The following STAT1 variants were observed in gnomAD, a reference collection of about 807,000 sequenced individuals.
The protein encoded by STAT1 is signal transducer and activator of transcription 1-alpha/beta.
STAT1 carries 24 observed loss-of-function variants against 111.7 expected under a neutral mutation model. The observed-to-expected ratio is 0.21, with a 90% confidence interval of 0.16 to 0.30. STAT1 has a LOEUF of 0.30. STAT1 is among the 10% of genes least tolerant of loss of function. The probability of loss-of-function intolerance (pLI) is 1.00; values close to 1 mark genes in which losing one functional copy is unlikely to be tolerated. For missense variants in STAT1, 351 were observed against 911.9 expected, an observed-to-expected ratio of 0.38 and a Z score of 7.92; for synonymous variants, 332 against 326.5, an observed-to-expected ratio of 1.02 and a Z score of -0.18.
In STAT1 at chr2:190,998,415, A is replaced by G; in HGVS notation, c.542-107T>C. The G allele has an allele frequency of 1.1e-6, 1 of 939,216 alleles. No homozygotes were observed. Among genetic ancestry groups the G allele is most frequent in the Non-Finnish European group, 1.7e-6 (1 of 585,136 alleles). The allele number at this position is 939,216 out of a possible 1,614,324, so 58.2% of individuals were successfully genotyped here. ...TATGACACAAATGCTGCCTAGTGAC[A>G]GGTCAAAGTTTGGCTTTCTTCGATC... On this transcript the variant is annotated intron_variant, in intron 7 of 24. Transcript: ENST00000361099. This position sits in a 1 kb window ranked among gnomAD's most constrained non-coding sequence, Gnocchi z 4.1.
chr2:190,983,834 G>T lies in STAT1; in HGVS notation c.1348-94C>A. On this transcript the variant is annotated intron_variant, in intron 16 of 24. Coordinates refer to ENST00000361099, the MANE Select transcript of STAT1 (RefSeq NM_007315.4). This position sits in a 1 kb window ranked among gnomAD's most constrained non-coding sequence, Gnocchi z 5.7. ...CTCAACTAAAAGCAGGGGATTATTT[G>T]TAAATTTGTACATATTTAATACTTG... The T allele has an allele frequency of 9.7e-7, 1 of 1,033,884 alleles. No homozygotes were observed. The highest frequency in any genetic ancestry group is 1.5e-6 in the Non-Finnish European group (1 of 663,296). 64.0% of individuals were successfully genotyped at this position (1,033,884 alleles called of 1,614,324 possible). A position where few individuals can be genotyped will look rare whatever the true frequency, so the allele number is the denominator to read the frequency against.
rs1189039002 is a variant in STAT1, at chr2:191,008,953, C to A, written c.273+10G>T. 1 of 1,613,024 alleles carries A rather than the reference C, an allele frequency of 6.2e-7. No homozygotes were observed. The highest frequency in any genetic ancestry group is 8.5e-7 in the Non-Finnish European group (1 of 1,179,572). ...AACATTTCAACTAAAATACAAAAACCAGGTCATACCTGAAGATTACGCTTG... is the reference window on the plus strand; with the variant it reads ...AACATTTCAACTAAAATACAAAAACAAGGTCATACCTGAAGATTACGCTTG... On this transcript the variant is annotated intron_variant, in intron 4 of 24. Coordinates refer to ENST00000361099, the MANE Select transcript of STAT1 (RefSeq NM_007315.4).
rs1559015688 is a variant in STAT1 at position 190,993,050 on chromosome 2, A to G, written c.945-1730T>C. ...GGTGATCCACCCACCTCGGCCTCCCAAAGTGCTGGGATTACAGGCATGAGC... is the reference window on the plus strand; with the variant it reads ...GGTGATCCACCCACCTCGGCCTCCCGAAGTGCTGGGATTACAGGCATGAGC... On this transcript the variant is annotated intron_variant, in intron 10 of 24. Transcript: ENST00000361099. The surrounding 1 kb of genome is among the most constrained non-coding windows in gnomAD (Gnocchi z 4.1). 6.3e-6 allele frequency: 2 copies of G among 317,366 alleles called. No homozygotes were observed. The highest frequency in any genetic ancestry group is 5.9e-5 in the South Asian group (2 of 34,112). The allele number at this position is 317,366 out of a possible 1,614,324, so 19.7% of individuals were successfully genotyped here. A position where few individuals can be genotyped will look rare whatever the true frequency, so the allele number is the denominator to read the frequency against.
chr2:190,972,078 GAGAT>G (rs1044785381), intron 24 of STAT1, among the ~76,000 whole-genome samples: 9 of 152,100 alleles, frequency 5.9e-5, no homozygotes, highest in East Asian at 3.9e-4. Context: ...GAGGGAGGGG[GAGAT>G]AGATAGATAG....
chr2:190,974,316 G>T lies in STAT1; in HGVS notation c.2238+514C>A, dbSNP rs1691730003. On this transcript the variant is annotated intron_variant, in intron 24 of 24. Transcript: ENST00000361099. The surrounding 1 kb of genome is among the most constrained non-coding windows in gnomAD (Gnocchi z 4.8). ...TCCTTGAACCTTTTACTCTTGGCAA[G>T]CCCTTCACAGCCCCAGGAGCTACTT... is the stretch of plus-strand genomic sequence containing the variant. Among the ~76,000 whole-genome samples the T allele has an allele frequency of 6.6e-6, 1 of 152,144 alleles. No homozygotes were observed. The highest frequency in any genetic ancestry group is 6.5e-5 in the Admixed American group (1 of 15,276).
rs2125096240 is a variant in STAT1 at position 191,007,316 on chromosome 2, G to A, written c.372+247C>T. 6.6e-6 allele frequency among the ~76,000 whole-genome samples: 1 copy of A among 152,198 alleles called. No individual in the cohort carries two copies. The highest frequency in any genetic ancestry group is 1.5e-5 in the Non-Finnish European group (1 of 68,016). Reference sequence around the variant, plus strand: ...ATGAATTCAGCATGTTATCTTCTCAGCACTTTATGCTACCCAGAAGTATCT... The same window carrying A: ...ATGAATTCAGCATGTTATCTTCTCAACACTTTATGCTACCCAGAAGTATCT... On this transcript the variant is annotated intron_variant, in intron 5 of 24. Coordinates refer to ENST00000361099, the MANE Select transcript of STAT1 (RefSeq NM_007315.4). This position sits in a 1 kb window ranked among gnomAD's most constrained non-coding sequence, Gnocchi z 4.2.
rs1269464145 is a variant in STAT1 at position 190,998,831 on chromosome 2, T to C, written c.542-523A>G. Among the ~76,000 whole-genome samples the C allele has an allele frequency of 6.6e-6, 1 of 151,618 alleles. No individual in the cohort carries two copies. Among genetic ancestry groups the C allele is most frequent in the East Asian group, 1.9e-4 (1 of 5,178 alleles). The stretch of plus-strand genomic sequence containing the variant: ...TTATTATTATAAAAATAAATGTAAA[T>C]AATAAAATGTTTTATCTGAACAGAA... On this transcript the variant is annotated intron_variant, in intron 7 of 24. Transcript: ENST00000361099. This position sits in a 1 kb window ranked among gnomAD's most constrained non-coding sequence, Gnocchi z 4.1.
chr2:191,007,013 T>G lies in STAT1; in HGVS notation c.372+550A>C, dbSNP rs563114032. ...AGCATTACCATTTTTCAAGGGGTTCTAGTAGCTGCTGTAGAGCCATCCTTG... is the reference window on the plus strand; with the variant it reads ...AGCATTACCATTTTTCAAGGGGTTCGAGTAGCTGCTGTAGAGCCATCCTTG... On this transcript the variant is annotated intron_variant, in intron 5 of 24. Transcript: ENST00000361099. This position sits in a 1 kb window ranked among gnomAD's most constrained non-coding sequence, Gnocchi z 4.2. Among the ~76,000 whole-genome samples the G allele has an allele frequency of 6.6e-6, 1 of 152,194 alleles. No homozygotes were observed. The highest frequency in any genetic ancestry group is 2.4e-5 in the African/African-American group (1 of 41,440).
chr2:191,006,525 A>G lies in STAT1; in HGVS notation c.372+1038T>C, dbSNP rs1694715430. ...GAGAATGGCATCCTCCACCACACCTAAACTCCCTCCCTCTCCACTGTCACA... is the reference window on the plus strand; with the variant it reads ...GAGAATGGCATCCTCCACCACACCTGAACTCCCTCCCTCTCCACTGTCACA... On this transcript the variant is annotated intron_variant, in intron 5 of 24. Transcript: ENST00000361099. This position sits in a 1 kb window ranked among gnomAD's most constrained non-coding sequence, Gnocchi z 4.6. 6.6e-6 allele frequency among the ~76,000 whole-genome samples: 1 copy of G among 152,178 alleles called. No homozygotes were observed. Among genetic ancestry groups the G allele is most frequent in the African/African-American group, 2.4e-5 (1 of 41,436 alleles).
chr2:190,980,100 T>C lies in STAT1; in HGVS notation c.1633-234A>G, dbSNP rs558785364. Among the ~76,000 whole-genome samples the C allele has an allele frequency of 1.5e-3, 232 of 152,318 alleles. No individual in the cohort carries two copies. Among genetic ancestry groups the C allele is most frequent in the Non-Finnish European group, 2.6e-3 (179 of 68,010 alleles). On this transcript the variant is annotated intron_variant, in intron 19 of 24. Coordinates refer to ENST00000361099, the MANE Select transcript of STAT1 (RefSeq NM_007315.4). This position sits in a 1 kb window ranked among gnomAD's most constrained non-coding sequence, Gnocchi z 6.1. ...TCCACTTCCCTGGGCCGGGCTCTGC[T>C]TCCCTTTCCAAACAGTAGCAAGCTA...
At chr2:190,985,765 T>G (rs929511640) in intron 14 of STAT1, 105 bp from the exon 15 acceptor site, 6 of 1,222,766 alleles carry the variant, frequency 4.9e-6, no homozygotes, top group Non-Finnish European at 7.1e-6. Flanking sequence ...ATGACAGACG[T>G]GACTTTATCT....
At position 191,012,989 on chromosome 2, in the gene STAT1, T is replaced by C. The variant is rs190293955; in HGVS notation, c.-2+536A>G. On this transcript the variant is annotated intron_variant, in intron 2 of 24. Coordinates refer to ENST00000361099, the MANE Select transcript of STAT1 (RefSeq NM_007315.4). The surrounding 1 kb of genome is among the most constrained non-coding windows in gnomAD (Gnocchi z 4.0). ...GGTTCCAGTTTTCCTTGTAAAGCTC[T>C]GTGATGCCTCCAGAGTCCCCGGCGG... is the stretch of plus-strand genomic sequence containing the variant. Among the ~76,000 whole-genome samples the C allele has an allele frequency of 6.6e-6, 1 of 152,322 alleles. No homozygotes were observed. The highest frequency in any genetic ancestry group is 2.4e-5 in the African/African-American group (1 of 41,564).
rs1320123706 is a variant in STAT1, at chr2:191,013,632, G to C, written c.-109C>G. 5.0e-6 allele frequency: 2 copies of C among 398,500 alleles called. No individual in the cohort carries two copies. The highest frequency in any genetic ancestry group is 4.1e-5 in the African/African-American group (2 of 48,604). The allele number at this position is 398,500 out of a possible 1,614,324, so 24.7% of individuals were successfully genotyped here. ...GAGGTTATATACACAGAGTGCGAAC[G>C]TTAACCTAGACAGCTCTCGAGGATG... On this transcript the variant is annotated 5_prime_UTR_variant, in exon 2 of 25. Coordinates refer to ENST00000361099, the MANE Select transcript of STAT1 (RefSeq NM_007315.4).
intron 10 of STAT1, among the ~76,000 whole-genome samples, chr2:190,992,095 G>C (rs1320734444): frequency 1.3e-5 from 2 of 152,256 alleles, no homozygotes; most frequent in East Asian, 3.9e-4. Flanking sequence ...TACATAGTAT[G>C]CAACAAATTA....
In STAT1 at chr2:190,978,728, T is replaced by C; in HGVS notation, c.1873+128A>G. 1 of 1,229,544 alleles carries C rather than the reference T, an allele frequency of 8.1e-7. No homozygotes were observed. Among genetic ancestry groups the C allele is most frequent in the Non-Finnish European group, 1.2e-6 (1 of 865,586 alleles). 76.2% of individuals were successfully genotyped at this position (1,229,544 alleles called of 1,614,324 possible). A position where few individuals can be genotyped will look rare whatever the true frequency, so the allele number is the denominator to read the frequency against. ...TTTATTAAATCCTATCGGGGGCTCA[T>C]TTGGGGTAAGTATAAGATCTGCAAT... On this transcript the variant is annotated intron_variant, in intron 21 of 24. Transcript: ENST00000361099. The surrounding 1 kb of genome is among the most constrained non-coding windows in gnomAD (Gnocchi z 6.1).
At position 190,999,410 on chromosome 2, in the gene STAT1, G is replaced by A. The variant is rs149412843; in HGVS notation, c.541+216C>T. Among the ~76,000 whole-genome samples, 1 of 152,252 alleles carries A rather than the reference G, an allele frequency of 6.6e-6. No homozygotes were observed. The highest frequency in any genetic ancestry group is 1.9e-4 in the East Asian group (1 of 5,188). ...CATCTGGTGGGTAAAAGTCGGGGAT[G>A]CTGTTAAACACGCTACAATGCCAGG... On this transcript the variant is annotated intron_variant, in intron 7 of 24. Transcript: ENST00000361099. The surrounding 1 kb of genome is among the most constrained non-coding windows in gnomAD (Gnocchi z 4.1).
chr2:190,972,935 A>C (rs1691618843), intron 24 of STAT1, among the ~76,000 whole-genome samples: 1 of 151,900 alleles, frequency 6.6e-6, no homozygotes, highest in Admixed American at 6.6e-5. Context: ...GTGTCCAAAG[A>C]CCACAAAACT....
In STAT1 at chr2:190,976,797, G is replaced by A; in HGVS notation, c.2059+43C>T. ...TTCAGAATAATCACCCCCTCATCAG[G>A]AAAGACTGTGCCACGCTGTTACCAC... On this transcript the variant is annotated intron_variant, in intron 22 of 24. Coordinates refer to ENST00000361099, the MANE Select transcript of STAT1 (RefSeq NM_007315.4). The surrounding 1 kb of genome is among the most constrained non-coding windows in gnomAD (Gnocchi z 6.0). 1 of 1,554,318 alleles carries A rather than the reference G, an allele frequency of 6.4e-7. No homozygotes were observed. The highest frequency in any genetic ancestry group is 8.9e-7 in the Non-Finnish European group (1 of 1,125,826).
rs1212000021 is a variant in STAT1, at chr2:191,004,082, A to T, written c.373-2919T>A. 1.3e-5 allele frequency among the ~76,000 whole-genome samples: 2 copies of T among 152,128 alleles called. No homozygotes were observed. The highest frequency in any genetic ancestry group is 2.4e-5 in the African/African-American group (1 of 41,414). On this transcript the variant is annotated intron_variant, in intron 5 of 24. Coordinates refer to ENST00000361099, the MANE Select transcript of STAT1 (RefSeq NM_007315.4). This position sits in a 1 kb window ranked among gnomAD's most constrained non-coding sequence, Gnocchi z 5.0. Reference sequence around the variant, plus strand: ...ATCTCCTGCTTCCAACTTGGGCAGTAGTCCCTCCAAGTCACTCAAACCCTT... The same window carrying T: ...ATCTCCTGCTTCCAACTTGGGCAGTTGTCCCTCCAAGTCACTCAAACCCTT...
Sources: allele counts gnomAD v4.1 joint callset (sites outside exome capture counted in the v4.1 genomes callset), GRCh38; gene constraint gnomAD v4.1.1; non-coding constraint Gnocchi (gnomAD v3.1); transcripts MANE v1.5; gene names NCBI Gene and HGNC (gene_info 2026-07-23, HGNC 2026-07-21).